The following ZFHX3 variants were observed in gnomAD, a reference collection of about 807,000 sequenced individuals.
The protein encoded by ZFHX3 is zinc finger homeobox protein 3.
In ZFHX3, 42 loss-of-function variants were observed where a neutral mutation model predicts 279.1. The observed-to-expected ratio is 0.15, with a 90% CI of 0.12 to 0.19. ZFHX3 has a LOEUF of 0.19. Among genes scored for constraint, ZFHX3 ranks in the 10% least tolerant of loss-of-function variants. The pLI, the probability that ZFHX3 is intolerant of heterozygous loss-of-function variation, is 1.00. For missense variants in ZFHX3, 4,981 were observed against 4,754.0 expected (o/e 1.05, Z -1.40); for synonymous variants, 2,293 against 1,957.8 (o/e 1.17, Z -4.52).
chr16:72,795,669 T>C lies in ZFHX3; in HGVS notation c.7013A>G (p.Gln2338Arg). The change falls in exon 9 of 10, where the codon CAG (glutamine) becomes CGG (arginine). Residue 2338 changes from glutamine (Q) to arginine (R), a missense_variant. Physicochemically the swap from Gln to Arg is conservative, Grantham distance 43 (BLOSUM62 1). This residue lies in a region of ZFHX3 where 177 missense variants were observed against 244.2 expected (regional missense o/e 0.72). Coordinates refer to ENST00000268489, the MANE Select transcript of ZFHX3 (RefSeq NM_006885.4). ...GTGCTTGATGAGATCAAAGATGCGC[T>C]GAAACACCAGGCTACATTTTTTGCA... ...YQCKKCSLVF[Q>R]RIFDLIKHQK... 6.2e-7 allele frequency: 1 copy of C among 1,614,146 alleles called. No homozygotes were observed. Among genetic ancestry groups the C allele is most frequent in the Non-Finnish European group, 8.5e-7 (1 of 1,180,028 alleles).
chr16:73,000,069 G>T (rs912460525), intron 1 of ZFHX3, among the ~76,000 whole-genome samples: 1 of 152,204 alleles, frequency 6.6e-6, no homozygotes, highest in African/African-American at 2.4e-5. Flanking sequence ...ATGGGGACAG[G>T]GCTGGCTTCC....
At chr16:73,278,006 C>A (rs939565251) in intron 4 of ZFHX3, among the ~76,000 whole-genome samples, 4 of 152,092 alleles carry the variant, frequency 2.6e-5, no homozygotes, top group African/African-American at 9.7e-5. Flanking sequence ...CCCTCATGAT[C>A]CAGTCACCTC....
chr16:73,538,377 C>G (rs1366923574), intron 2 of ZFHX3, among the ~76,000 whole-genome samples: 1 of 152,176 alleles, frequency 6.6e-6, no homozygotes, highest in Non-Finnish European at 1.5e-5. Flanking sequence ...AAGTCACCCT[C>G]TACTTGAGTA....
chr16:73,452,059 G>A (rs1361308821), intron 3 of ZFHX3, among the ~76,000 whole-genome samples: 1 of 152,136 alleles, frequency 6.6e-6, no homozygotes, highest in African/African-American at 2.4e-5. Context: ...GAGTTTCTGG[G>A]ATAAACACAT....
At chr16:72,849,156 G>C (rs1025268408) in intron 4 of ZFHX3, among the ~76,000 whole-genome samples, 1 of 152,186 alleles carries the variant, frequency 6.6e-6, no homozygotes, top group Non-Finnish European at 1.5e-5. Context: ...AGGGCAGTGC[G>C]TGTGAGCCAC....
chr16:73,878,710 G>A (rs57475308), intron 1 of ZFHX3, among the ~76,000 whole-genome samples: 1 of 151,372 alleles, frequency 6.6e-6, no homozygotes, highest in African/African-American at 2.4e-5. Context: ...CCTCAAGCTA[G>A]TATTTAATGC....
intron 2 of ZFHX3, among the ~76,000 whole-genome samples, chr16:73,459,880 C>A (rs2018443102): frequency 6.6e-6 from 1 of 152,208 alleles, no homozygotes; most frequent in African/African-American, 2.4e-5. Context: ...GGGGAAACCA[C>A]CCCCGTGATT....
intron 1 of ZFHX3, among the ~76,000 whole-genome samples, chr16:73,730,352 C>CAAAAAAAAAAAAAAAAAAAAAAAAAAAAA (rs66477968): frequency 1.2e-5 from 1 of 81,166 alleles, no homozygotes; most frequent in African/African-American, 5.1e-5. Context: ...CCTCCCCTCG[C>CAAAAAAAAAAAAAAAAAAAAAAAAAAAAA]AAAAAAAAAA....
chr16:73,437,360 C>G (rs1321459726), intron 3 of ZFHX3, among the ~76,000 whole-genome samples: 2 of 152,130 alleles, frequency 1.3e-5, no homozygotes, highest in East Asian at 1.9e-4. Flanking sequence ...AGTATTATAC[C>G]AATTAACTAA....
chr16:73,696,280 A>G (rs1473393686), intron 1 of ZFHX3, among the ~76,000 whole-genome samples: 1 of 152,196 alleles, frequency 6.6e-6, no homozygotes, highest in Non-Finnish European at 1.5e-5. Context: ...TTAAGTATAG[A>G]GAGGTGAGTT....
chr16:72,854,697 T>C (rs1232138132), intron 4 of ZFHX3, among the ~76,000 whole-genome samples: 2 of 151,848 alleles, frequency 1.3e-5, no homozygotes, highest in South Asian at 2.1e-4. Context: ...AAGACTAATA[T>C]GAAAAAAGTG....
intron 8 of ZFHX3, among the ~76,000 whole-genome samples, chr16:73,066,755 C>G (rs927238892): frequency 1.5e-4 from 23 of 152,222 alleles, no homozygotes; most frequent in African/African-American, 4.8e-4. Context: ...GCCCAGGCCC[C>G]GTGCCTGCCT....
At position 72,908,452 on chromosome 16, in the gene ZFHX3, T is replaced by C. The variant is rs140403395; in HGVS notation, c.3217-18490A>G. Among the ~76,000 whole-genome samples the C allele has an allele frequency of 2.6e-4, 39 of 152,308 alleles. 1 individual carries two copies. Among genetic ancestry groups the C allele is most frequent in the African/African-American group, 9.4e-4 (39 of 41,572 alleles). ...GACGACAATGGGTGGAAAGGGGAAC[T>C]TGAAGATTCAGGACGCCTCCCCTGC... On this transcript the variant is annotated intron_variant, in intron 3 of 9. Coordinates refer to ENST00000268489, the MANE Select transcript of ZFHX3 (RefSeq NM_006885.4).
intron 4 of ZFHX3, among the ~76,000 whole-genome samples, chr16:72,884,736 C>T (rs763699933): frequency 1.4e-4 from 21 of 152,122 alleles, no homozygotes; most frequent in Admixed American, 5.9e-4. Context: ...CACCCAGGAG[C>T]CAGAAATGCC....
chr16:72,889,487 TAAAAAAAA>T (rs372928371), intron 4 of ZFHX3, among the ~76,000 whole-genome samples: 2 of 115,926 alleles, frequency 1.7e-5, no homozygotes, highest in East Asian at 2.4e-4. Flanking sequence ...CAATTTCCTT[TAAAAAAAA>T]AAAAAAAAAA....
intron 4 of ZFHX3, among the ~76,000 whole-genome samples, chr16:72,872,206 T>C (rs1276562088): frequency 6.6e-6 from 1 of 152,246 alleles, no homozygotes; most frequent in Non-Finnish European, 1.5e-5. Context: ...TGCAATTATA[T>C]ATATTATGCA....
chr16:73,527,984 G>A (rs1003808421), intron 2 of ZFHX3, among the ~76,000 whole-genome samples: 2 of 152,210 alleles, frequency 1.3e-5, no homozygotes, highest in Non-Finnish European at 2.9e-5. Context: ...AAATCTTGGA[G>A]TAATTTGTTA....
intron 3 of ZFHX3, among the ~76,000 whole-genome samples, chr16:73,343,389 G>C (rs2016070242): frequency 1.3e-5 from 2 of 152,150 alleles, no homozygotes; most frequent in African/African-American, 4.8e-5. Flanking sequence ...AGTTATAGCT[G>C]ATCCTGAACA....
At chr16:73,833,606 G>T (rs978228945) in intron 1 of ZFHX3, among the ~76,000 whole-genome samples, 1 of 151,832 alleles carries the variant, frequency 6.6e-6, no homozygotes, top group African/African-American at 2.4e-5. Flanking sequence ...GCCTGTCGGG[G>T]GTTGGGGGGC....
Sources: allele counts gnomAD v4.1 joint callset (sites outside exome capture counted in the v4.1 genomes callset), GRCh38; gene constraint gnomAD v4.1.1; regional missense constraint gnomAD v4.1.1; transcripts MANE v1.5; gene names NCBI Gene and HGNC (gene_info 2026-07-23, HGNC 2026-07-21).